The following BFSP2 variants were observed in gnomAD, a reference collection of about 807,000 sequenced individuals.
BFSP2 encodes the protein beaded filament structural protein 2.
In BFSP2, 38 loss-of-function variants were observed where a neutral mutation model predicts 44.9. The observed-to-expected ratio is 0.85, with a 90% CI of 0.65 to 1.11. The LOEUF is 1.11. Ranked by LOEUF, BFSP2 falls within the 50% of genes least tolerant of loss-of-function variation. The pLI is 0.00. For synonymous variants in BFSP2, 197 were observed against 209.9 expected, an observed-to-expected ratio of 0.94 and a Z score of 0.53; for missense variants, 525 against 533.0, an observed-to-expected ratio of 0.99 and a Z score of 0.15.
chr3:133,441,081 C>G (rs965727458), intron 1 of BFSP2, among the ~76,000 whole-genome samples: 1 of 147,832 alleles, frequency 6.8e-6, no homozygotes, highest in African/African-American at 2.5e-5. Flanking sequence ...CTCTTGTTGC[C>G]CAGGCTAGAG....
At chr3:133,422,175 A>G (rs1429611250) in intron 1 of BFSP2, among the ~76,000 whole-genome samples, 1 of 152,008 alleles carries the variant, frequency 6.6e-6, no homozygotes, top group Non-Finnish European at 1.5e-5. Context: ...CCAGAAAGGA[A>G]AGCTGTACAG....
At position 133,472,391 on chromosome 3, in the gene BFSP2, A is replaced by G. The variant is rs769277848; in HGVS notation, c.1070A>G (p.Asp357Gly). 6.2e-7 allele frequency: 1 copy of G among 1,614,056 alleles called. No individual in the cohort carries two copies. The highest frequency in any genetic ancestry group is 1.7e-5 in the Admixed American group (1 of 60,030). ...NTLHDAKHWH[D>G]MELQNLGAVV... Reference sequence around the variant, plus strand: ...TTGCACGATGCCAAGCACTGGCATGACATGGAGCTCCAGAACCTGGGCGCT... The same window carrying G: ...TTGCACGATGCCAAGCACTGGCATGGCATGGAGCTCCAGAACCTGGGCGCT... Residue 357 changes from aspartate to glycine, a missense_variant, in exon 6 of 7, where the codon GAC becomes GGC. Asp to Gly is a moderately conservative substitution (Grantham distance 94). Transcript: ENST00000302334.
intron 1 of BFSP2, among the ~76,000 whole-genome samples, chr3:133,416,607 A>C (rs1438454248): frequency 0.14 from 2,480 of 17,138 alleles, no homozygotes; most frequent in African/African-American, 0.16. Flanking sequence ...CACCCCTGCC[A>C]TCTCCCCTCT....
At chr3:133,450,968 G>T (rs1032510317) in intron 4 of BFSP2, among the ~76,000 whole-genome samples, 1 of 151,984 alleles carries the variant, frequency 6.6e-6, no homozygotes, top group Non-Finnish European at 1.5e-5. Context: ...AAAATTAGCC[G>T]GACGCATTGG....
intron 6 of BFSP2, among the ~76,000 whole-genome samples, chr3:133,473,438 CAAAAA>C (rs748691333): frequency 6.8e-5 from 5 of 73,128 alleles, no homozygotes; most frequent in Non-Finnish European, 1.0e-4. Flanking sequence ...GAGGCAGCAG[CAAAAA>C]AAAAAAAAAA....
chr3:133,419,725 C>A (rs570439137), intron 1 of BFSP2, among the ~76,000 whole-genome samples: 67 of 152,358 alleles, frequency 4.4e-4, no homozygotes, highest in African/African-American at 1.4e-3. Context: ...TGGCTCAGAA[C>A]TGAGACTTGC....
chr3:133,472,453 C>G lies in BFSP2; in HGVS notation c.1132C>G (p.Arg378Gly), dbSNP rs1223297614. 10 of 1,613,902 alleles carry G rather than the reference C, an allele frequency of 6.2e-6. No homozygotes were observed. In the African/African-American group the frequency reaches 8.0e-5, roughly 13 times the overall value. Residue 378 changes from arginine (R) to glycine (G), a missense_variant, in exon 6 of 7, where the codon CGA (arginine) becomes GGA (glycine). By Grantham distance (125) the Arg-to-Gly change is moderately radical. Transcript: ENST00000302334. The stretch of plus-strand genomic sequence containing the variant: ...GCTGGAGGCGGAGCTCAGGGAAATC[C>G]GAGCGGAGGCGGAGCAGCAGCAACA... ...GRLEAELREI[R>G]AEAEQQQQER... is the part of the protein sequence containing the mutation.
chr3:133,468,815 G>A (rs911008667), intron 5 of BFSP2, among the ~76,000 whole-genome samples: 8 of 152,212 alleles, frequency 5.3e-5, no homozygotes, highest in African/African-American at 1.9e-4. Context: ...GAAAGCGATT[G>A]TGGAGTGGAG....
At chr3:133,420,823 A>G (rs2073586286) in intron 1 of BFSP2, among the ~76,000 whole-genome samples, 1 of 152,170 alleles carries the variant, frequency 6.6e-6, no homozygotes, top group Non-Finnish European at 1.5e-5. Context: ...TGCTGAGCAG[A>G]GTGTGTCCCT....
At chr3:133,438,281 C>A (rs1487112748) in intron 1 of BFSP2, among the ~76,000 whole-genome samples, 1 of 152,234 alleles carries the variant, frequency 6.6e-6, no homozygotes, top group African/African-American at 2.4e-5. Context: ...AATCCCAGCA[C>A]TTTGGGAGGC....
At chr3:133,438,582 C>T (rs1478670680) in intron 1 of BFSP2, among the ~76,000 whole-genome samples, 2 of 152,032 alleles carry the variant, frequency 1.3e-5, no homozygotes, top group African/African-American at 4.8e-5. Flanking sequence ...GTGCTGACAG[C>T]AGGGTGCGGG....
intron 1 of BFSP2, among the ~76,000 whole-genome samples, chr3:133,431,697 A>AT (rs2073721469): frequency 1.3e-5 from 2 of 151,942 alleles, no homozygotes. Flanking sequence ...TCTTATCAAT[A>AT]CGAGGCTACC....
At chr3:133,430,300 T>C (rs1322984878) in intron 1 of BFSP2, among the ~76,000 whole-genome samples, 1 of 151,710 alleles carries the variant, frequency 6.6e-6, no homozygotes, top group Non-Finnish European at 1.5e-5. Flanking sequence ...CAAATGGTAT[T>C]TCTAGTTCTA....
chr3:133,472,759 C>T (rs879813294), intron 6 of BFSP2, among the ~76,000 whole-genome samples, 194 bp downstream of exon 6: 6 of 152,208 alleles, frequency 3.9e-5, no homozygotes, highest in Middle Eastern at 3.4e-3. Context: ...AATATATTCA[C>T]ATACTAATAC....
chr3:133,424,220 T>TG (rs1553778827), intron 1 of BFSP2, among the ~76,000 whole-genome samples: 5 of 62,852 alleles, frequency 8.0e-5, no homozygotes, highest in East Asian at 6.4e-4. Flanking sequence ...TAATTTTTTT[T>TG]TTTTTTTTTT....
At chr3:133,403,567 G>A (rs551969995) in intron 1 of BFSP2, among the ~76,000 whole-genome samples, 9 of 152,342 alleles carry the variant, frequency 5.9e-5, no homozygotes, top group African/African-American at 1.4e-4. Flanking sequence ...TCAATAGCAC[G>A]GTGGGGATGT....
intron 4 of BFSP2, among the ~76,000 whole-genome samples, chr3:133,452,403 A>G (rs1419897976): frequency 1.3e-5 from 2 of 152,144 alleles, no homozygotes; most frequent in Admixed American, 1.3e-4. Flanking sequence ...CCAGGTCACT[A>G]CAAACACTTT....
chr3:133,449,744 G>C (rs1312879338), intron 3 of BFSP2, among the ~76,000 whole-genome samples: 1 of 151,904 alleles, frequency 6.6e-6, no homozygotes, highest in Non-Finnish European at 1.5e-5. Context: ...TGGGCATGGT[G>C]GTGTGTGCCG....
At chr3:133,458,923 G>A (rs2074037399) in intron 4 of BFSP2, among the ~76,000 whole-genome samples, 1 of 152,146 alleles carries the variant, frequency 6.6e-6, no homozygotes, top group South Asian at 2.1e-4. Context: ...CAGGTGCAAG[G>A]CCCTGACTTG....
Sources: allele counts gnomAD v4.1 joint callset (sites outside exome capture counted in the v4.1 genomes callset), GRCh38; gene constraint gnomAD v4.1.1; transcripts MANE v1.5; gene names NCBI Gene and HGNC (gene_info 2026-07-23, HGNC 2026-07-21).